Variants in ATP6V0A4 observed in about 807,000 individuals in gnomAD.
The protein encoded by ATP6V0A4 is V-type proton ATPase 116 kDa subunit a 4.
ATP6V0A4 carries 86 observed loss-of-function variants against 107.3 expected under a neutral mutation model. That is an observed-to-expected ratio of 0.80 (90% CI 0.67 to 0.96). The LOEUF (loss-of-function observed/expected upper bound fraction) is 0.96. Among genes scored for constraint, ATP6V0A4 ranks in the 40% least tolerant of loss-of-function variants. The pLI, the probability that ATP6V0A4 is intolerant of heterozygous loss-of-function variation, is 0.00. For synonymous variants in ATP6V0A4, 353 were observed against 381.4 expected, an observed-to-expected ratio of 0.93 and a Z score of 0.87; for missense variants, 908 against 1,045.6, an observed-to-expected ratio of 0.87 and a Z score of 1.81.
chr7:138,760,444 C>CAA (rs570463822), intron 7 of ATP6V0A4, among the ~76,000 whole-genome samples: 14,687 of 60,388 alleles, frequency 0.24, 1,046 homozygotes, highest in Middle Eastern at 0.42. Context: ...AACTCTGTCT[C>CAA]AAAAAAAAAA....
In ATP6V0A4 at chr7:138,724,265, G is replaced by A. The variant is rs903735740; in HGVS notation, c.2011-2240C>T. On this transcript the variant is annotated intron_variant, in intron 18 of 21. Transcript: ENST00000310018. The stretch of plus-strand genomic sequence containing the variant: ...ATAAATCTTTGTAAAAACTGGGAAG[G>A]CTATGTTGAAATTCAGAATTCACGC... 2.0e-5 allele frequency among the ~76,000 whole-genome samples: 3 copies of A among 151,912 alleles called. No homozygotes were observed. The East Asian group carries it at 5.8e-4, about 29-fold the overall frequency.
chr7:138,709,505 A>G, intron 21 of ATP6V0A4, 119 bp downstream of exon 21: 1 of 895,322 alleles, frequency 1.1e-6, no homozygotes, highest in South Asian at 1.3e-5. Flanking sequence ...AAGGCTCCAA[A>G]GAGGTATGTA....
At chr7:138,795,219 G>A (rs759451796) in intron 1 of ATP6V0A4, among the ~76,000 whole-genome samples, 4 of 151,982 alleles carry the variant, frequency 2.6e-5, no homozygotes, top group Non-Finnish European at 4.4e-5. Flanking sequence ...TACTATTTTC[G>A]AATAACAAAG....
chr7:138,709,201 C>T (rs1803605535), intron 21 of ATP6V0A4, among the ~76,000 whole-genome samples: 2 of 134,130 alleles, frequency 1.5e-5, no homozygotes, highest in Non-Finnish European at 3.2e-5. Flanking sequence ...AGAGTGAGAG[C>T]CTGTCTCAAA....
At position 138,739,397 on chromosome 7, in the gene ATP6V0A4, G is replaced by A. The variant is rs1805501877; in HGVS notation, c.1572+143C>T. 4 of 1,049,334 alleles carry A rather than the reference G, an allele frequency of 3.8e-6. No homozygotes were observed. In the Admixed American group the frequency reaches 8.6e-5, roughly 23 times the overall value. 65.0% of individuals were successfully genotyped at this position (1,049,334 alleles called of 1,614,324 possible). ...CTTTTACTTGACTCTGGCTCTATGT[G>A]TCACAAAAACGTCAGCAGAAGTTAT... On this transcript the variant is annotated intron_variant, in intron 15 of 21. Transcript: ENST00000310018.
chr7:138,782,170 G>A (rs777466321), intron 2 of ATP6V0A4, among the ~76,000 whole-genome samples: 3 of 152,174 alleles, frequency 2.0e-5, no homozygotes, highest in Admixed American at 6.5e-5. Flanking sequence ...AAGATGCCAC[G>A]CAAGGCTGGT....
chr7:138,776,655 C>T (rs749381532), intron 2 of ATP6V0A4, among the ~76,000 whole-genome samples: 6 of 152,126 alleles, frequency 3.9e-5, no homozygotes, highest in African/African-American at 9.7e-5. Flanking sequence ...AGTTTTCAAA[C>T]GTCTGGGTGC....
intron 19 of ATP6V0A4, among the ~76,000 whole-genome samples, chr7:138,719,898 G>A (rs1431265072): frequency 1.3e-5 from 2 of 151,976 alleles, no homozygotes; most frequent in African/African-American, 4.8e-5. Flanking sequence ...GGTGGTGGGT[G>A]CCTGTAATCC....
At chr7:138,719,535 G>GA (rs1250912313) in intron 19 of ATP6V0A4, among the ~76,000 whole-genome samples, 3 of 152,184 alleles carry the variant, frequency 2.0e-5, no homozygotes, top group Non-Finnish European at 2.9e-5. Flanking sequence ...CCTGCATGAG[G>GA]AAACTCCAGT....
At chr7:138,741,704 T>C (rs1263880664) in intron 14 of ATP6V0A4, among the ~76,000 whole-genome samples, 2 of 152,198 alleles carry the variant, frequency 1.3e-5, no homozygotes. Flanking sequence ...ACCCTCTTAA[T>C]AGAGATGGTT....
intron 17 of ATP6V0A4, among the ~76,000 whole-genome samples, chr7:138,729,317 C>T (rs1012576827): frequency 6.6e-5 from 10 of 152,134 alleles, no homozygotes; most frequent in African/African-American, 1.7e-4. Flanking sequence ...AGTATTCAAC[C>T]GGTAATTTTA....
chr7:138,751,252 C>T (rs970226517), intron 11 of ATP6V0A4, among the ~76,000 whole-genome samples: 1 of 152,172 alleles, frequency 6.6e-6, no homozygotes. Context: ...CACTGCAGAG[C>T]CTGCCTCCCA....
intron 18 of ATP6V0A4, among the ~76,000 whole-genome samples, chr7:138,724,507 A>C (rs1804610296): frequency 6.6e-6 from 1 of 152,182 alleles, no homozygotes; most frequent in Non-Finnish European, 1.5e-5. Context: ...CAGGAGACTG[A>C]GGAACAAGGC....
chr7:138,743,000 G>A (rs1281782300), intron 14 of ATP6V0A4, among the ~76,000 whole-genome samples: 1 of 151,432 alleles, frequency 6.6e-6, no homozygotes, highest in Non-Finnish European at 1.5e-5. Flanking sequence ...TATTTAAGGT[G>A]GGGAATCCCA....
At chr7:138,715,412 C>A (rs1424053447) in intron 20 of ATP6V0A4, among the ~76,000 whole-genome samples, 1 of 152,168 alleles carries the variant, frequency 6.6e-6, no homozygotes, top group Non-Finnish European at 1.5e-5. Flanking sequence ...GTTGGCCAGG[C>A]TGATCTTGAA....
intron 15 of ATP6V0A4, among the ~76,000 whole-genome samples, chr7:138,734,889 T>C (rs1805231960): frequency 6.6e-6 from 1 of 151,918 alleles, no homozygotes; most frequent in South Asian, 2.1e-4. Context: ...CCCATGAATG[T>C]ATCCAATCCT....
At chr7:138,715,968 G>A (rs978037959) in intron 19 of ATP6V0A4, 87 bp from the exon 20 acceptor site, 1 of 1,550,838 alleles carries the variant, frequency 6.4e-7, no homozygotes, top group Non-Finnish European at 8.8e-7. Flanking sequence ...ATAAGACATG[G>A]GCTTTGCTGT....
At chr7:138,784,563 C>G (rs1056282041) in intron 2 of ATP6V0A4, among the ~76,000 whole-genome samples, 3 of 151,854 alleles carry the variant, frequency 2.0e-5, no homozygotes, top group African/African-American at 7.3e-5. Context: ...CATGATCCAC[C>G]CTCCTCAGCC....
At chr7:138,714,737 G>C (rs967202292) in intron 20 of ATP6V0A4, among the ~76,000 whole-genome samples, 1 of 152,172 alleles carries the variant, frequency 6.6e-6, no homozygotes, top group Admixed American at 6.6e-5. Flanking sequence ...ACCAAGGCAG[G>C]CGTTCTCTTA....
Sources: gnomAD v4.1 joint callset for allele counts (sites outside exome capture counted in the v4.1 genomes callset) on GRCh38, gnomAD v4.1.1 for gene constraint, MANE v1.5 for transcripts, NCBI Gene and HGNC (gene_info 2026-07-23, HGNC 2026-07-21) for gene names.